Variants in MRPS31 observed in about 807,000 individuals in gnomAD.
MRPS31 encodes the protein mitochondrial ribosomal protein S31, also known as small ribosomal subunit protein mS31.
A neutral mutation model predicts 43.1 loss-of-function variants in MRPS31; 32 were observed. The ratio of observed to expected loss-of-function variants is 0.74; its 90% CI spans 0.56 to 1.00. The LOEUF is 1.00. Ranked by LOEUF, MRPS31 falls within the 50% of genes least tolerant of loss-of-function variation. MRPS31 has a pLI of 0.00. For missense variants in MRPS31, 437 were observed against 466.7 expected (o/e 0.94, Z 0.59); for synonymous variants, 165 against 161.6 (o/e 1.02, Z -0.16).
At position 40,756,868 on chromosome 13, in the gene MRPS31, G is replaced by C; in HGVS notation, c.740+5C>G. On this transcript the variant is annotated splice_donor_5th_base_variant and intron_variant, in intron 4 of 6. Transcript: ENST00000323563. ...CAAAACCCAGCAGATTACAAAGCCT[G>C]ATACCTTTTTTTAAGATCATCCGTC... is the stretch of plus-strand genomic sequence containing the variant. 1 of 1,612,780 alleles carries C rather than the reference G, an allele frequency of 6.2e-7. No individual in the cohort carries two copies. Among genetic ancestry groups the C allele is most frequent in the Non-Finnish European group, 8.5e-7 (1 of 1,179,676 alleles).
chr13:40,758,387 G>T (rs1169555310), intron 3 of MRPS31, among the ~76,000 whole-genome samples: 2 of 152,048 alleles, frequency 1.3e-5, no homozygotes, highest in African/African-American at 4.8e-5. Context: ...AAATAAATCT[G>T]GTATACACGT....
At chr13:40,731,556 T>C (rs1330175654) in intron 6 of MRPS31, among the ~76,000 whole-genome samples, 1 of 144,204 alleles carries the variant, frequency 6.9e-6, no homozygotes, top group East Asian at 2.0e-4. Context: ...CACTCCAGCC[T>C]GGGCAACAAA....
intron 5 of MRPS31, 80 bp downstream of exon 5, chr13:40,753,939 C>T: frequency 1.1e-6 from 1 of 901,434 alleles, no homozygotes; most frequent in Non-Finnish European, 1.7e-6. Context: ...ATTAAAATAT[C>T]CAAACTATTA....
chr13:40,770,939 G>A, intron 1 of MRPS31, 46 bp downstream of exon 1: 1 of 1,612,930 alleles, frequency 6.2e-7, no homozygotes, highest in South Asian at 1.1e-5. Flanking sequence ...ACCCCAGGAA[G>A]TCGGAGGATG....
At chr13:40,730,599 C>T (rs545873237) in intron 6 of MRPS31, among the ~76,000 whole-genome samples, 251 of 152,198 alleles carry the variant, frequency 1.6e-3, no homozygotes, top group Non-Finnish European at 3.2e-3. Context: ...TCACTCTTGT[C>T]GCCCAGGCTG....
At chr13:40,743,059 C>T (rs1047758208) in intron 6 of MRPS31, among the ~76,000 whole-genome samples, 1 of 152,184 alleles carries the variant, frequency 6.6e-6, no homozygotes, top group Non-Finnish European at 1.5e-5. Flanking sequence ...CCCCTGTAAT[C>T]ACAGCACTTT....
At chr13:40,757,161 C>T (rs990512967) in intron 3 of MRPS31, 148 bp from the exon 4 acceptor site, 11 of 580,714 alleles carry the variant, frequency 1.9e-5, no homozygotes, top group African/African-American at 1.2e-4. Context: ...TAAAAAATGT[C>T]GCCTATTAAC....
At chr13:40,754,181 C>A (rs1880467736) in intron 4 of MRPS31, 89 bp from the exon 5 acceptor site, 1 of 724,884 alleles carries the variant, frequency 1.4e-6, no homozygotes, top group Non-Finnish European at 2.1e-6. Flanking sequence ...GTGAAATATT[C>A]TATGTAGAAA....
In MRPS31 at chr13:40,757,023, T is replaced by C. The variant is rs1181261221; in HGVS notation, c.600-10A>G. 1.3e-6 allele frequency: 2 copies of C among 1,597,316 alleles called. No individual in the cohort carries two copies. The highest frequency in any genetic ancestry group is 3.5e-5 in the Admixed American group (2 of 57,156). The stretch of plus-strand genomic sequence containing the variant: ...TATTATGTTACTGAAACTGAAATAA[T>C]AAAAAGGTCAAGTGTATTAGAAATC... On this transcript the variant is annotated splice_polypyrimidine_tract_variant and intron_variant, in intron 3 of 6. Transcript: ENST00000323563.
intron 2 of MRPS31, among the ~76,000 whole-genome samples, chr13:40,760,317 C>T (rs73459587): frequency 0.045 from 6,828 of 151,744 alleles, 318 homozygotes; most frequent in East Asian, 0.14. Context: ...CAGGGACTTA[C>T]CTGTTTCTCA....
intron 5 of MRPS31, chr13:40,752,551 AATTTAAG>A (rs1880420430): frequency 6.6e-6 from 1 of 152,208 alleles, no homozygotes; most frequent in South Asian, 2.1e-4. Flanking sequence ...TTCAAAAAAG[AATTTAAG>A]ATTTAAGACA....
intron 6 of MRPS31, among the ~76,000 whole-genome samples, chr13:40,736,164 T>A (rs1355898631): frequency 2.0e-5 from 3 of 151,302 alleles, no homozygotes; most frequent in Non-Finnish European, 4.4e-5. Context: ...TGCGATCAAC[T>A]GGAAGAAAGG....
rs748075331 is a variant in MRPS31 at position 40,756,957 on chromosome 13, C to T, written c.656G>A (p.Arg219His). The change falls in exon 4 of 7, where the codon CGT becomes CAT. Residue 219 changes from arginine to histidine, a missense_variant. By Grantham distance (29) the Arg-to-His change is conservative. Transcript: ENST00000323563. ...CTGAATCCGAAGCTCTGGTCTTGAA[C>T]GAACTCTAGCTGTAGCAGATCTGGC... is the stretch of plus-strand genomic sequence containing the variant. Reference protein sequence around the residue: ...KVARSATARVRSRPELRIQFD... With the variant: ...KVARSATARVHSRPELRIQFD... The T allele has an allele frequency of 2.8e-5, 45 of 1,613,360 alleles. No individual in the cohort carries two copies. The highest frequency in any genetic ancestry group is 7.7e-5 in the South Asian group (7 of 91,000).
chr13:40,749,349 A>C (rs1205905571), intron 5 of MRPS31, 68 bp from the exon 6 acceptor site: 2 of 1,275,366 alleles, frequency 1.6e-6, no homozygotes, highest in Non-Finnish European at 2.1e-6. Flanking sequence ...AGTTACAACC[A>C]ATCCTGAATT....
chr13:40,751,429 G>A (rs1367601385), intron 5 of MRPS31, among the ~76,000 whole-genome samples: 1 of 152,122 alleles, frequency 6.6e-6, no homozygotes, highest in African/African-American at 2.4e-5. Context: ...CATTTTATAG[G>A]TGGGGAAAAG....
chr13:40,767,089 T>TA (rs1880872331), intron 1 of MRPS31, 56 bp from the exon 2 acceptor site: 1 of 1,371,014 alleles, frequency 7.3e-7, no homozygotes, highest in African/African-American at 1.5e-5. Context: ...TACAATAAAG[T>TA]AAAAAACTTA....
Position 40,729,276 on chromosome 13 carries a change from G to T in MRPS31, c.*96C>A. ...AACATTTATACCAGCCAAATCAAATGTAATAATCAACATAACATATACAAA... is the reference window on the plus strand; with the variant it reads ...AACATTTATACCAGCCAAATCAAATTTAATAATCAACATAACATATACAAA... On this transcript the variant is annotated 3_prime_UTR_variant, in exon 7 of 7. Transcript: ENST00000323563. 1 of 654,498 alleles carries T rather than the reference G, an allele frequency of 1.5e-6. No homozygotes were observed. Among genetic ancestry groups the T allele is most frequent in the Non-Finnish European group, 2.5e-6 (1 of 394,026 alleles). 40.5% of individuals were successfully genotyped at this position (654,498 alleles called of 1,614,324 possible).
intron 2 of MRPS31, 106 bp from the exon 3 acceptor site, chr13:40,759,212 C>A (rs1188627429): frequency 2.5e-6 from 2 of 802,292 alleles, no homozygotes; most frequent in African/African-American, 3.5e-5. Context: ...CCGAGGCAGA[C>A]AGATCACTTG....
rs553446792 is a variant in MRPS31 at position 40,731,792 on chromosome 13, G to A, written c.959-2191C>T. 3.9e-5 allele frequency among the ~76,000 whole-genome samples: 6 copies of A among 152,174 alleles called. No individual in the cohort carries two copies. The South Asian group carries it at 8.3e-4, about 21-fold the overall frequency. ...TAGGTAGATTGAAAGTAAAAAGGAC[G>A]GTTAATGTTATCTTGGTACATTAAT... On this transcript the variant is annotated intron_variant, in intron 6 of 6. Coordinates refer to ENST00000323563, the MANE Select transcript of MRPS31 (RefSeq NM_005830.4).
Sources: gnomAD v4.1 joint callset for allele counts (sites outside exome capture counted in the v4.1 genomes callset) on GRCh38, gnomAD v4.1.1 for gene constraint, MANE v1.5 for transcripts, NCBI Gene and HGNC (gene_info 2026-07-23, HGNC 2026-07-21) for gene names.